The following NBEAL1 variants were observed in gnomAD, a reference collection of about 807,000 sequenced individuals.
NBEAL1 encodes the protein neurobeachin like 1.
NBEAL1 carries 273 observed loss-of-function variants against 351.3 expected under a neutral mutation model. The observed-to-expected ratio is 0.78, with a 90% CI of 0.70 to 0.86. NBEAL1 has a LOEUF of 0.86. Among genes scored for constraint, NBEAL1 ranks in the 40% least tolerant of loss-of-function variants. NBEAL1 has a pLI of 0.00. For missense variants in NBEAL1, 2,961 were observed against 3,201.3 expected, an observed-to-expected ratio of 0.92 and a Z score of 1.81; for synonymous variants, 1,050 against 1,086.4, an observed-to-expected ratio of 0.97 and a Z score of 0.66.
In NBEAL1 at chr2:203,126,736, T is replaced by C. The variant is rs771948069; in HGVS notation, c.3145+20T>C. ...GAATCGGTGAGAGCAGGCTTTCAGATAAACATTTTATAGTTGTTTTAGAAA... is the reference window on the plus strand; with the variant it reads ...GAATCGGTGAGAGCAGGCTTTCAGACAAACATTTTATAGTTGTTTTAGAAA... On this transcript the variant is annotated intron_variant, in intron 22 of 55. Coordinates refer to ENST00000683969, the MANE Select transcript of NBEAL1 (RefSeq NM_001378026.1). 1.4e-4 allele frequency: 219 copies of C among 1,512,566 alleles called. No individual in the cohort carries two copies. The highest frequency in any genetic ancestry group is 3.4e-4 in the Middle Eastern group (2 of 5,814). 93.7% of individuals were successfully genotyped at this position (1,512,566 alleles called of 1,614,324 possible).
Position 203,136,148 on chromosome 2 carries a change from C to G in NBEAL1, c.4285C>G (p.Pro1429Ala). Residue 1429 changes from proline (P) to alanine (A), a missense_variant, in exon 28 of 56, where the codon CCA becomes GCA. Physicochemically the swap from Pro to Ala is conservative, Grantham distance 27. Transcript: ENST00000683969. ...VPDSLPSTPS[P>A]VESTKSFSVH... ...AGACAGTCTGCCTAGCACACCATCC[C>G]CAGTAGAGTCTACTAAATCGTTTTC... The G allele has an allele frequency of 6.2e-7, 1 of 1,614,072 alleles. No homozygotes were observed. The highest frequency in any genetic ancestry group is 1.1e-5 in the South Asian group (1 of 91,064).
chr2:203,090,257 A>G (rs911937945), intron 10 of NBEAL1, among the ~76,000 whole-genome samples: 2 of 152,174 alleles, frequency 1.3e-5, no homozygotes, highest in African/African-American at 4.8e-5. Context: ...ACATGGATAT[A>G]TTCCATGAAC....
At chr2:203,054,476 C>T (rs1396859631) in intron 4 of NBEAL1, among the ~76,000 whole-genome samples, 2 of 151,946 alleles carry the variant, frequency 1.3e-5, no homozygotes, top group African/African-American at 4.8e-5. Flanking sequence ...GCTACGTTGC[C>T]CAGGCTAAGT....
chr2:203,116,218 G>A, intron 18 of NBEAL1, 148 bp downstream of exon 18: 4 of 644,390 alleles, frequency 6.2e-6, no homozygotes, highest in Non-Finnish European at 1.1e-5. Flanking sequence ...AAAGGAAGGT[G>A]AGAAGCAGTA....
Position 203,167,374 on chromosome 2 carries a change from T to C in NBEAL1, c.5997+14T>C. On this transcript the variant is annotated intron_variant, in intron 38 of 55. Transcript: ENST00000683969. Reference sequence around the variant, plus strand: ...TTCAAAAAAGAGGTATGTATTATGGTTTCAGGAAATCCCAAAATGCTAGCT... The same window carrying C: ...TTCAAAAAAGAGGTATGTATTATGGCTTCAGGAAATCCCAAAATGCTAGCT... 2 of 1,572,768 alleles carry C rather than the reference T, an allele frequency of 1.3e-6. No individual in the cohort carries two copies. Among genetic ancestry groups the C allele is most frequent in the Middle Eastern group, 1.7e-4 (1 of 5,880 alleles).
intron 12 of NBEAL1, among the ~76,000 whole-genome samples, chr2:203,104,481 G>GT (rs1280222221): frequency 6.6e-6 from 1 of 152,288 alleles, no homozygotes; most frequent in East Asian, 1.9e-4. Flanking sequence ...CTGGGTCTTG[G>GT]TTTTTTATCC....
chr2:203,084,609 G>A, intron 10 of NBEAL1, 40 bp downstream of exon 10: 1 of 1,226,946 alleles, frequency 8.2e-7, no homozygotes, highest in Non-Finnish European at 1.1e-6. Context: ...ATTTTAAGAA[G>A]CTATTTTTTG....
chr2:203,068,543 C>A, intron 7 of NBEAL1, 68 bp downstream of exon 7: 1 of 818,662 alleles, frequency 1.2e-6, no homozygotes, highest in South Asian at 2.0e-5. Flanking sequence ...TATTCTTACT[C>A]TGATTCTGAT....
In NBEAL1 at chr2:203,151,567, T is replaced by C. The variant is rs2063654383; in HGVS notation, c.5565T>C (p.Ala1855=). 2 of 1,607,712 alleles carry C rather than the reference T, an allele frequency of 1.2e-6. No individual in the cohort carries two copies. Among genetic ancestry groups the C allele is most frequent in the Middle Eastern group, 3.3e-4 (2 of 6,022 alleles). ...PNYNFKTHEE[A]SALRDNLGIQ... is the part of the protein sequence containing the mutation. ...ATAATTTCAAAACCCATGAGGAAGCTAGTGCCTTGAGAGATAATCTGGGTG... is the reference window on the plus strand; with the variant it reads ...ATAATTTCAAAACCCATGAGGAAGCCAGTGCCTTGAGAGATAATCTGGGTG... Residue 1855 remains alanine (A), a synonymous_variant, in exon 35 of 56, where the codon GCT becomes GCC. Coordinates refer to ENST00000683969, the MANE Select transcript of NBEAL1 (RefSeq NM_001378026.1).
At position 203,222,657 on chromosome 2, in the gene NBEAL1, T is replaced by A. The variant is rs1314668159; in HGVS notation, c.*5303T>A. Among the ~76,000 whole-genome samples, 1 of 152,186 alleles carries A rather than the reference T, an allele frequency of 6.6e-6. No individual in the cohort carries two copies. Among genetic ancestry groups the A allele is most frequent in the Non-Finnish European group, 1.5e-5 (1 of 68,020 alleles). Reference sequence around the variant, plus strand: ...AAGTACATCTGTTTGCTAATATTAGTTCCTGGTGACTTTCAGTGAACGTTT... The same window carrying A: ...AAGTACATCTGTTTGCTAATATTAGATCCTGGTGACTTTCAGTGAACGTTT... On this transcript the variant is annotated 3_prime_UTR_variant, in exon 56 of 56. Coordinates refer to ENST00000683969, the MANE Select transcript of NBEAL1 (RefSeq NM_001378026.1).
Position 203,136,683 on chromosome 2 carries a change from A to C in NBEAL1, c.4474A>C (p.Thr1492Pro), listed in dbSNP as rs1237065189. ...CKGLEKSDDDTWIERGQVFSA... is the reference protein window; with the variant it reads ...CKGLEKSDDDPWIERGQVFSA... The stretch of plus-strand genomic sequence containing the variant: ...GGGACTAGAAAAGTCTGATGATGAT[A>C]CTTGGATTGAACGAGGACAAGTGTT... Residue 1492 changes from threonine (T) to proline (P), a missense_variant, in exon 29 of 56, where the codon ACT (threonine) becomes CCT (proline). Transcript: ENST00000683969. 2 of 1,613,756 alleles carry C rather than the reference A, an allele frequency of 1.2e-6. No individual in the cohort carries two copies. Among genetic ancestry groups the C allele is most frequent in the South Asian group, 2.2e-5 (2 of 91,074 alleles).
chr2:203,014,659 G>GCGCCCGC (rs1329447914), upstream of NBEAL1: 3 of 152,326 alleles, frequency 2.0e-5, no homozygotes, highest in Admixed American at 6.5e-5. Flanking sequence ...GCCGCGGCCG[G>GCGCCCGC]CGCCCGCCAA....
chr2:203,023,733 T>G (rs1012183436), intron 2 of NBEAL1, among the ~76,000 whole-genome samples: 2 of 152,074 alleles, frequency 1.3e-5, no homozygotes, highest in Non-Finnish European at 2.9e-5. Context: ...TGTGGGACAT[T>G]CAGGTAGAAA....
At chr2:203,175,879 C>G (rs1245079161) in intron 42 of NBEAL1, among the ~76,000 whole-genome samples, 1 of 152,146 alleles carries the variant, frequency 6.6e-6, no homozygotes, top group South Asian at 2.1e-4. Context: ...TTTGCCTTCC[C>G]TACCCAAACC....
chr2:203,198,787 C>T (rs577940786), intron 48 of NBEAL1, among the ~76,000 whole-genome samples: 12 of 148,908 alleles, frequency 8.1e-5, no homozygotes, highest in East Asian at 4.0e-4. Context: ...TGCTTGCGCC[C>T]GGGAGGTTGT....
chr2:203,052,235 CCAA>C (rs2061335403), intron 4 of NBEAL1: 1 of 150,306 alleles, frequency 6.7e-6, no homozygotes, highest in Non-Finnish European at 1.5e-5. Context: ...CCTGCCCGCC[CCAA>C]CCTCTGTCAA....
intron 18 of NBEAL1, among the ~76,000 whole-genome samples, chr2:203,116,328 A>G (rs2062697258): frequency 6.6e-6 from 1 of 152,222 alleles, no homozygotes; most frequent in South Asian, 2.1e-4. Flanking sequence ...TGTACCGATG[A>G]ATTGACTTCA....
rs2065924838 is a variant in NBEAL1, at chr2:203,218,963, A to C, written c.*1609A>C. 6.6e-6 allele frequency: 1 copy of C among 152,204 alleles called. No homozygotes were observed. Among genetic ancestry groups the C allele is most frequent in the South Asian group, 2.1e-4 (1 of 4,832 alleles). The allele number at this position is 152,204 out of a possible 1,614,324, so 9.4% of individuals were successfully genotyped here. A position where few individuals can be genotyped will look rare whatever the true frequency, so the allele number is the denominator to read the frequency against. On this transcript the variant is annotated 3_prime_UTR_variant, in exon 56 of 56. Coordinates refer to ENST00000683969, the MANE Select transcript of NBEAL1 (RefSeq NM_001378026.1). ...ACAATTGTAAAATAGAACATATTTA[A>C]ATGTCAAGGTGTCTTTTCTTAAGAC...
rs138113361 is a variant in NBEAL1 at position 203,084,579 on chromosome 2, T to G, written c.1098+10T>G. 2.1e-6 allele frequency: 3 copies of G among 1,427,808 alleles called. No individual in the cohort carries two copies. The Admixed American group carries it at 8.0e-5, about 38-fold the overall frequency. 88.4% of individuals were successfully genotyped at this position (1,427,808 alleles called of 1,614,324 possible). On this transcript the variant is annotated intron_variant, in intron 10 of 55. Coordinates refer to ENST00000683969, the MANE Select transcript of NBEAL1 (RefSeq NM_001378026.1). ...GCTACAGAACTGCAAGGTATTTTTC[T>G]ATTATTGTTGTTGTCTTTGATTTTA...
Sources: gnomAD v4.1 joint callset for allele counts (sites outside exome capture counted in the v4.1 genomes callset) on GRCh38, gnomAD v4.1.1 for gene constraint, MANE v1.5 for transcripts, NCBI Gene and HGNC (gene_info 2026-07-23, HGNC 2026-07-21) for gene names.